The following TET3 variants were observed in gnomAD, a reference collection of about 807,000 sequenced individuals.
TET3 encodes methylcytosine dioxygenase TET3.
Under a neutral mutation model 141.4 loss-of-function variants are expected in TET3, and 19 were observed. The observed-to-expected ratio is 0.13, with a 90% confidence interval of 0.09 to 0.20. The LOEUF (loss-of-function observed/expected upper bound fraction) is 0.20, where lower values mean the gene tolerates loss of function less well. TET3 is among the 10% of genes least tolerant of loss of function. The probability of loss-of-function intolerance (pLI) is 1.00; values close to 1 mark genes in which losing one functional copy is unlikely to be tolerated. For synonymous variants in TET3, 1,043 were observed against 980.9 expected, an observed-to-expected ratio of 1.06 and a Z score of -1.18; for missense variants, 1,874 against 2,356.9, an observed-to-expected ratio of 0.80 and a Z score of 4.24.
At chr2:74,086,566 T>G (rs562285644) in intron 6 of TET3, among the ~76,000 whole-genome samples, 84 of 152,126 alleles carry the variant, frequency 5.5e-4, no homozygotes, top group African/African-American at 1.9e-3. Context: ...GGCAGGAGGA[T>G]CACGTGAGCC....
downstream of TET3, among the ~76,000 whole-genome samples, chr2:74,110,018 TAAGGATAAAAAAATTGCTACAGAAGTGA>T (rs369357281): frequency 6.6e-5 from 10 of 152,070 alleles, no homozygotes; most frequent in African/African-American, 2.2e-4. Flanking sequence ...ACATAAGATA[TAAGGATAAAAAAATTGCTACAGAAGTGA>T]AAGTGCCAGG....
chr2:74,006,848 G>A (rs1049180198), intron 3 of TET3, among the ~76,000 whole-genome samples: 7 of 152,274 alleles, frequency 4.6e-5, no homozygotes, highest in African/African-American at 1.4e-4. Context: ...TGTTCTCAGC[G>A]TCTCTACAGC....
At chr2:74,018,971 T>C (rs748676759) in intron 3 of TET3, among the ~76,000 whole-genome samples, 1 of 152,160 alleles carries the variant, frequency 6.6e-6, no homozygotes, top group East Asian at 1.9e-4. Context: ...TAAGGCCAGG[T>C]GTGGTGGCTC....
chr2:74,003,324 C>T (rs1336232900), intron 3 of TET3, among the ~76,000 whole-genome samples, 158 bp downstream of exon 3: 1 of 151,262 alleles, frequency 6.6e-6, no homozygotes, highest in Non-Finnish European at 1.5e-5. Flanking sequence ...GGGGTGTGGG[C>T]GGCCAATGAA....
intron 2 of TET3, among the ~76,000 whole-genome samples, chr2:73,988,538 A>T (rs955787037): frequency 2.6e-5 from 4 of 152,158 alleles, no homozygotes; most frequent in Non-Finnish European, 5.9e-5. Context: ...CTGTCGGCCC[A>T]GGCTGCCGGG....
chr2:74,016,659 T>C (rs1573697974), intron 3 of TET3, among the ~76,000 whole-genome samples: 1 of 151,214 alleles, frequency 6.6e-6, no homozygotes, highest in African/African-American at 2.4e-5. Flanking sequence ...GAAGCGGAGG[T>C]TGCAGTGACC....
chr2:74,023,055 C>T (rs775844274), intron 3 of TET3, among the ~76,000 whole-genome samples: 3 of 151,692 alleles, frequency 2.0e-5, no homozygotes, highest in South Asian at 4.2e-4. Flanking sequence ...GGATTACAAA[C>T]GTGAGCCACT....
chr2:74,110,572 T>C (rs765075051), downstream of TET3, among the ~76,000 whole-genome samples: 1 of 152,154 alleles, frequency 6.6e-6, no homozygotes, highest in African/African-American at 2.4e-5. Context: ...GTCAGAGCCA[T>C]GAACACAACA....
chr2:74,009,899 A>G (rs1685337136), intron 3 of TET3, among the ~76,000 whole-genome samples: 1 of 152,192 alleles, frequency 6.6e-6, no homozygotes, highest in South Asian at 2.1e-4. Context: ...AGGGTGGCAT[A>G]GGGGCCTCAG....
rs975974360 is a variant in TET3 at position 74,106,622 on chromosome 2, C to G, written c.*4446C>G. ...AAGGAAGGAGCTTTCTTTGCTCACT[C>G]GATGCCACTGAGGCTGCTTTTTAGT... On this transcript the variant is annotated 3_prime_UTR_variant, in exon 12 of 12. Coordinates refer to ENST00000409262, the MANE Select transcript of TET3 (RefSeq NM_001287491.2). 1.3e-5 allele frequency: 2 copies of G among 153,724 alleles called. No homozygotes were observed. Among genetic ancestry groups the G allele is most frequent in the Admixed American group, 1.3e-4 (2 of 15,282 alleles). 9.5% of individuals were successfully genotyped at this position (153,724 alleles called of 1,614,324 possible). A position where few individuals can be genotyped will look rare whatever the true frequency, so the allele number is the denominator to read the frequency against.
At chr2:74,070,836 A>G (rs1258425345) in intron 4 of TET3, among the ~76,000 whole-genome samples, 1 of 152,126 alleles carries the variant, frequency 6.6e-6, no homozygotes, top group African/African-American at 2.4e-5. Context: ...TTTGCCAGGC[A>G]TGGTGGTGCA....
rs1323822407 is a variant in TET3 at position 74,104,919 on chromosome 2, T to C, written c.*2743T>C. On this transcript the variant is annotated 3_prime_UTR_variant, in exon 12 of 12. Coordinates refer to ENST00000409262, the MANE Select transcript of TET3 (RefSeq NM_001287491.2). ...ATGGCGTTTCCAGAGTTAGGCGGTG[T>C]GGTTGCCGTGCTCAAGCCCATGCTG... The C allele has an allele frequency of 8.4e-6, 3 of 359,136 alleles. No individual in the cohort carries two copies. The East Asian group carries it at 1.2e-4, about 15-fold the overall frequency. 22.2% of individuals were successfully genotyped at this position (359,136 alleles called of 1,614,324 possible). A position where few individuals can be genotyped will look rare whatever the true frequency, so the allele number is the denominator to read the frequency against.
intron 4 of TET3, among the ~76,000 whole-genome samples, chr2:74,064,598 A>T (rs1688778459): frequency 6.6e-6 from 1 of 152,056 alleles, no homozygotes; most frequent in Non-Finnish European, 1.5e-5. Context: ...TTTTTGGTAG[A>T]GGTGGGGTTT....
Position 73,985,017 on chromosome 2 carries a change from CGCTGAGCTCGGTCGG to C in TET3, c.-562_-548del, listed in dbSNP as rs1683926181. The stretch of plus-strand genomic sequence containing the variant: ...CTCGGCCCGGGCGGGGGGCTCCGCG[CGCTGAGCTCGGTCGG>C]GCCGGGCGCTCCGGGAGGCGGGAGC... On this transcript the variant is annotated 5_prime_UTR_variant, in exon 1 of 12. Transcript: ENST00000409262. 6.8e-6 allele frequency: 1 copy of C among 146,534 alleles called. No homozygotes were observed. Among genetic ancestry groups the C allele is most frequent in the South Asian group, 1.8e-4 (1 of 5,628 alleles). 9.1% of individuals were successfully genotyped at this position (146,534 alleles called of 1,614,324 possible).
intron 4 of TET3, among the ~76,000 whole-genome samples, chr2:74,058,004 T>C (rs1688305398): frequency 6.6e-6 from 1 of 152,208 alleles, no homozygotes; most frequent in Non-Finnish European, 1.5e-5. Flanking sequence ...ATTTATATCT[T>C]CAGGGAAGTT....
In TET3 at chr2:74,063,893, CA is replaced by C. The variant is rs70965781; in HGVS notation, c.2495-9640del. ...GGGCAACAAAGCCCATCTCTGCAGA[CA>C]AAAAAAAAAAAAAAATAAGTAAAAT... On this transcript the variant is annotated intron_variant, in intron 4 of 11. Transcript: ENST00000409262. Among the ~76,000 whole-genome samples, 871 of 106,262 alleles carry C rather than the reference CA, an allele frequency of 8.2e-3. 9 individuals carry two copies. In the East Asian group the frequency reaches 0.096, roughly 12 times the overall value. The allele number at this position is 106,262 out of a possible 152,430, so 69.7% of individuals were successfully genotyped here. A position where few individuals can be genotyped will look rare whatever the true frequency, so the allele number is the denominator to read the frequency against.
rs1262735091 is a variant in TET3 at position 74,087,379 on chromosome 2, G to A, written c.2680-451G>A. On this transcript the variant is annotated intron_variant, in intron 6 of 11. Coordinates refer to ENST00000409262, the MANE Select transcript of TET3 (RefSeq NM_001287491.2). This position sits in a 1 kb window ranked among gnomAD's most constrained non-coding sequence, Gnocchi z 4.3. ...TATGGTAATCCTATGTTTAGCTTTT[G>A]GAGGCATTGCCAGACTGTTTTCCAC... 6.6e-6 allele frequency among the ~76,000 whole-genome samples: 1 copy of A among 152,078 alleles called. No homozygotes were observed. Among genetic ancestry groups the A allele is most frequent in the African/African-American group, 2.4e-5 (1 of 41,384 alleles).
At chr2:74,061,902 T>A (rs1688612428) in intron 4 of TET3, among the ~76,000 whole-genome samples, 2 of 141,908 alleles carry the variant, frequency 1.4e-5, no homozygotes, top group Admixed American at 1.4e-4. Flanking sequence ...CTAGATGGGA[T>A]GGCGGCCGGG....
the TET3 span, among the ~76,000 whole-genome samples, chr2:74,122,720 C>G: frequency 7.2e-6 from 1 of 138,802 alleles, no homozygotes; most frequent in Non-Finnish European, 1.5e-5. Flanking sequence ...CCGCCACACC[C>G]AGCTAATGTT....
Sources: allele counts gnomAD v4.1 joint callset (sites outside exome capture counted in the v4.1 genomes callset), GRCh38; gene constraint gnomAD v4.1.1; non-coding constraint Gnocchi (gnomAD v3.1); transcripts MANE v1.5; gene names NCBI Gene and HGNC (gene_info 2026-07-23, HGNC 2026-07-21).